Variants in ZRANB1 observed in about 807,000 individuals in gnomAD.
ZRANB1 encodes the protein ubiquitin thioesterase ZRANB1.
Under a neutral mutation model 80.5 loss-of-function variants are expected in ZRANB1, and 16 were observed. The observed-to-expected ratio is 0.20, with a 90% CI of 0.13 to 0.30. The LOEUF is 0.30. Among genes scored for constraint, ZRANB1 ranks in the 10% least tolerant of loss-of-function variants. The probability of loss-of-function intolerance (pLI) is 1.00; values close to 1 mark genes in which losing one functional copy is unlikely to be tolerated. For synonymous variants in ZRANB1, 291 were observed against 293.1 expected, an observed-to-expected ratio of 0.99 and a Z score of 0.07; for missense variants, 576 against 862.6, an observed-to-expected ratio of 0.67 and a Z score of 4.16.
rs937177371 is a variant in ZRANB1, at chr10:124,986,478, A to G, written c.*1486A>G. 6.6e-6 allele frequency: 1 copy of G among 152,234 alleles called. No individual in the cohort carries two copies. The highest frequency in any genetic ancestry group is 1.5e-5 in the Non-Finnish European group (1 of 68,032). 9.4% of individuals were successfully genotyped at this position (152,234 alleles called of 1,614,324 possible). ...ATACCCACAAAACTGTCATGTCTTT[A>G]GTTCTTTCCCCCCGAAAACTCAGTA... is the stretch of plus-strand genomic sequence containing the variant. On this transcript the variant is annotated 3_prime_UTR_variant, in exon 9 of 9. Transcript: ENST00000359653.
upstream of ZRANB1, chr10:124,940,415 C>A: frequency 1.1e-6 from 1 of 922,948 alleles, no homozygotes; most frequent in South Asian, 1.5e-5. Flanking sequence ...TCACGTTTTG[C>A]AGTATCTCCT....
At chr10:124,955,236 T>C (rs555598907) in intron 1 of ZRANB1, among the ~76,000 whole-genome samples, 1 of 152,160 alleles carries the variant, frequency 6.6e-6, no homozygotes, top group South Asian at 2.1e-4. Context: ...TTTTTTTGTT[T>C]TTTTTTTGTT....
At chr10:124,969,591 C>T in intron 2 of ZRANB1, among the ~76,000 whole-genome samples, 1 of 151,918 alleles carries the variant, frequency 6.6e-6, no homozygotes, top group Non-Finnish European at 1.5e-5. Flanking sequence ...GGACTCCTTC[C>T]CAGAATACTG....
In ZRANB1 at chr10:124,943,303, T is replaced by C; in HGVS notation, c.810T>C (p.Cys270=). Residue 270 remains cysteine, a synonymous_variant, in exon 1 of 9, where the codon TGT becomes TGC. Coordinates refer to ENST00000359653, the MANE Select transcript of ZRANB1 (RefSeq NM_017580.3). The part of the protein sequence containing the change: ...KKTDWLFLNA[C]VGVVEGDLAA... ...CTGATTGGCTCTTCCTCAATGCTTG[T>C]GTGGGTAAGTTTCTGTATTCTGCAT... 1 of 1,611,100 alleles carries C rather than the reference T, an allele frequency of 6.2e-7. No homozygotes were observed. Among genetic ancestry groups the C allele is most frequent in the Non-Finnish European group, 8.5e-7 (1 of 1,178,366 alleles).
intron 5 of ZRANB1, among the ~76,000 whole-genome samples, chr10:124,976,182 C>T (rs1268854627): frequency 6.6e-6 from 1 of 152,184 alleles, no homozygotes; most frequent in African/African-American, 2.4e-5. Flanking sequence ...TTTTGTGCCT[C>T]TTAGTGGAGA....
upstream of ZRANB1, among the ~76,000 whole-genome samples, chr10:124,937,267 A>G (rs528225697): frequency 3.4e-5 from 5 of 146,458 alleles, no homozygotes; most frequent in East Asian, 2.0e-4. Flanking sequence ...GCTCGCTGCA[A>G]CCTCCACCTC....
chr10:124,922,843 A>T, the ZRANB1 span, among the ~76,000 whole-genome samples: 23 of 152,156 alleles, frequency 1.5e-4, no homozygotes, highest in Non-Finnish European at 2.6e-4. Context: ...GCCTGGCCCT[A>T]AATTTTTTAG....
the ZRANB1 span, chr10:124,917,104 G>T: frequency 6.5e-6 from 1 of 153,258 alleles, no homozygotes; most frequent in South Asian, 1.8e-4. Flanking sequence ...GCAGCAGCGG[G>T]GCGGGCGGCG....
At chr10:124,980,094 T>C (rs1006103562) in intron 5 of ZRANB1, among the ~76,000 whole-genome samples, 1 of 152,242 alleles carries the variant, frequency 6.6e-6, no homozygotes, top group African/African-American at 2.4e-5. Context: ...TGGGATTGCA[T>C]TGAATCTGTA....
intron 1 of ZRANB1, among the ~76,000 whole-genome samples, chr10:124,965,957 C>T (rs975301823): frequency 6.6e-6 from 1 of 152,018 alleles, no homozygotes; most frequent in African/African-American, 2.4e-5. Context: ...TTTATTTTAG[C>T]GTATTTTATA....
chr10:124,953,091 A>T (rs1589843683), intron 1 of ZRANB1, among the ~76,000 whole-genome samples: 1 of 131,614 alleles, frequency 7.6e-6, no homozygotes, highest in Non-Finnish European at 1.6e-5. Flanking sequence ...TGCCTGGCTA[A>T]TTTTTTTTTT....
chr10:124,947,801 A>G, intron 1 of ZRANB1, among the ~76,000 whole-genome samples: 1 of 152,118 alleles, frequency 6.6e-6, no homozygotes, highest in Admixed American at 6.5e-5. Flanking sequence ...TCTACCTTCA[A>G]AATATATCTG....
At chr10:124,982,882 C>T (rs1951951794) in intron 6 of ZRANB1, among the ~76,000 whole-genome samples, 1 of 152,216 alleles carries the variant, frequency 6.6e-6, no homozygotes, top group Non-Finnish European at 1.5e-5. Flanking sequence ...TTATCTGAAT[C>T]TCTGGTTCCT....
At chr10:124,980,310 T>G (rs559579099) in intron 5 of ZRANB1, among the ~76,000 whole-genome samples, 1 of 152,220 alleles carries the variant, frequency 6.6e-6, no homozygotes, top group Non-Finnish European at 1.5e-5. Context: ...AGGATGAACA[T>G]TTTAACATGT....
chr10:124,916,909 C>G, the ZRANB1 span, among the ~76,000 whole-genome samples: 1 of 152,066 alleles, frequency 6.6e-6, no homozygotes, highest in Non-Finnish European at 1.5e-5. Context: ...GCTCCGGGTC[C>G]CTCGGCCGCC....
chr10:124,942,082 C>G (rs1164375226), upstream of ZRANB1: 1 of 953,842 alleles, frequency 1.0e-6, no homozygotes, highest in Non-Finnish European at 1.3e-6. Flanking sequence ...GTTTCCTCTA[C>G]CTTTGTCTCT....
At chr10:124,975,375 A>G (rs781236518) in intron 5 of ZRANB1, among the ~76,000 whole-genome samples, 1 of 152,232 alleles carries the variant, frequency 6.6e-6, no homozygotes, top group Non-Finnish European at 1.5e-5. Flanking sequence ...CAAAATATCA[A>G]CATACATCTT....
At chr10:124,980,464 A>G (rs1490081677) in intron 5 of ZRANB1, among the ~76,000 whole-genome samples, 3 of 152,170 alleles carry the variant, frequency 2.0e-5, no homozygotes, top group East Asian at 1.9e-4. Flanking sequence ...CTAACTGCAT[A>G]TAACTTTCAG....
intron 1 of ZRANB1, among the ~76,000 whole-genome samples, chr10:124,951,744 G>A (rs534868686): frequency 6.6e-6 from 1 of 152,194 alleles, no homozygotes; most frequent in East Asian, 1.9e-4. Flanking sequence ...ATCACTTGAG[G>A]TCAGGAGTTC....
Sources: allele counts gnomAD v4.1 joint callset (sites outside exome capture counted in the v4.1 genomes callset), GRCh38; gene constraint gnomAD v4.1.1; transcripts MANE v1.5; gene names NCBI Gene and HGNC (gene_info 2026-07-23, HGNC 2026-07-21).